Variants in PACRGL observed in about 807,000 individuals in gnomAD.
PACRGL encodes PACRG-like protein.
Under a neutral mutation model 34.5 loss-of-function variants are expected in PACRGL, and 38 were observed. The ratio of observed to expected loss-of-function variants is 1.10; its 90% confidence interval spans 0.85 to 1.44. PACRGL has a LOEUF of 1.44. Among genes scored for constraint, PACRGL ranks in the 40% most tolerant of loss-of-function variants. The pLI is 0.00. For synonymous variants in PACRGL, 128 were observed against 100.1 expected (o/e 1.28, Z -1.66); for missense variants, 305 against 281.4 (o/e 1.08, Z -0.60).
chr4:20,727,230 C>A lies in PACRGL; in HGVS notation c.691-55C>A, dbSNP rs191365353. ...AGGCATATTCCTGCAAATATAATAC[C>A]TATTAGGGGAACTCTGCATGATACT... On this transcript the variant is annotated intron_variant, in intron 8 of 8. Coordinates refer to ENST00000503585, the MANE Select transcript of PACRGL (RefSeq NM_001258345.3). 7.6e-5 allele frequency: 109 copies of A among 1,435,042 alleles called. No homozygotes were observed. In the East Asian group the frequency reaches 2.3e-3, roughly 31 times the overall value. The allele number at this position is 1,435,042 out of a possible 1,614,324, so 88.9% of individuals were successfully genotyped here. A position where few individuals can be genotyped will look rare whatever the true frequency, so the allele number is the denominator to read the frequency against.
intron 8 of PACRGL, among the ~76,000 whole-genome samples, chr4:20,745,026 C>T (rs369766675): frequency 4.9e-4 from 74 of 152,240 alleles, no homozygotes; most frequent in African/African-American, 1.7e-3. Flanking sequence ...CTAAGAATGA[C>T]TCCCCAGACT....
rs1238817332 is a variant in PACRGL, at chr4:20,729,531, T to TAACA, written c.*2191_*2194dup. 2.1e-5 allele frequency: 3 copies of TAACA among 145,072 alleles called. No individual in the cohort carries two copies. The highest frequency in any genetic ancestry group is 7.5e-5 in the African/African-American group (3 of 40,040). 9.0% of individuals were successfully genotyped at this position (145,072 alleles called of 1,614,324 possible). On this transcript the variant is annotated 3_prime_UTR_variant, in exon 9 of 9. Coordinates refer to ENST00000503585, the MANE Select transcript of PACRGL (RefSeq NM_001258345.3). ...AAAAATGCCAGATAAAACTAATTTC[T>TAACA]AACAGAAGGTGGGAAGGCCATAGAA...
In PACRGL at chr4:20,711,084, A is replaced by AAC. The variant is rs1553866906; in HGVS notation, c.366+1325_366+1326dup. 2.2e-3 allele frequency among the ~76,000 whole-genome samples: 331 copies of AAC among 151,792 alleles called. 1 individual carries two copies. Among genetic ancestry groups the AAC allele is most frequent in the African/African-American group, 6.2e-3 (256 of 41,384 alleles). On this transcript the variant is annotated intron_variant, in intron 5 of 8. Coordinates refer to ENST00000503585, the MANE Select transcript of PACRGL (RefSeq NM_001258345.3). ...CACAGTAGAGTGAGATGCTATCTCA[A>AAC]ACACACACACACACAAAATTAGTTA...
chr4:20,731,405 C>A lies in PACRGL; in HGVS notation c.*4064C>A. 1 of 985,348 alleles carries A rather than the reference C, an allele frequency of 1.0e-6. No individual in the cohort carries two copies. The highest frequency in any genetic ancestry group is 1.2e-6 in the Non-Finnish European group (1 of 829,880). 61.0% of individuals were successfully genotyped at this position (985,348 alleles called of 1,614,324 possible). On this transcript the variant is annotated 3_prime_UTR_variant, in exon 9 of 9. Coordinates refer to ENST00000503585, the MANE Select transcript of PACRGL (RefSeq NM_001258345.3). ...ATTTTTAACTGTGGTTCTGCCCACA[C>A]ATCAAGTCAAATAATTCTAAGTAAG...
the PACRGL span, among the ~76,000 whole-genome samples, chr4:20,762,548 A>C: frequency 6.6e-6 from 1 of 152,072 alleles, no homozygotes; most frequent in Admixed American, 6.6e-5. Flanking sequence ...CTTTTTCTTC[A>C]CCTCTTCTGT....
In PACRGL at chr4:20,729,494, T is replaced by A. The variant is rs988254947; in HGVS notation, c.*2153T>A. On this transcript the variant is annotated 3_prime_UTR_variant, in exon 9 of 9. Transcript: ENST00000503585. Reference sequence around the variant, plus strand: ...AACTAATTTTTAAATGTTTAATAATTTTTAAATGTTTAAAAATGCCAGATA... The same window carrying A: ...AACTAATTTTTAAATGTTTAATAATATTTAAATGTTTAAAAATGCCAGATA... 10 of 140,298 alleles carry A rather than the reference T, an allele frequency of 7.1e-5. No homozygotes were observed. The highest frequency in any genetic ancestry group is 2.7e-4 in the African/African-American group (10 of 36,570). The allele number at this position is 140,298 out of a possible 1,614,324, so 8.7% of individuals were successfully genotyped here.
downstream of PACRGL, chr4:20,732,696 A>G: frequency 6.2e-7 from 1 of 1,610,556 alleles, no homozygotes; most frequent in Non-Finnish European, 8.5e-7. Context: ...AAAATGTTTC[A>G]ACGTGTTGTC....
the PACRGL span, among the ~76,000 whole-genome samples, chr4:20,757,936 C>T: frequency 6.6e-5 from 10 of 152,150 alleles, no homozygotes; most frequent in African/African-American, 2.4e-4. Context: ...ATCATGCCAG[C>T]ACTGTGCTCT....
chr4:20,704,231 A>T (rs770198590), intron 1 of PACRGL, among the ~76,000 whole-genome samples: 4 of 152,164 alleles, frequency 2.6e-5, no homozygotes, highest in Non-Finnish European at 5.9e-5. Flanking sequence ...AATGGAAAAA[A>T]AGTTGACTTT....
At chr4:20,733,053 A>G (rs967805810), downstream of PACRGL, among the ~76,000 whole-genome samples, 1 of 152,194 alleles carries the variant, frequency 6.6e-6, no homozygotes, top group Non-Finnish European at 1.5e-5. Flanking sequence ...AGTCAGGAAA[A>G]GAATATGCTG....
chr4:20,729,551 A>G lies in PACRGL; in HGVS notation c.*2210A>G, dbSNP rs1362105462. ...ATTTCTAACAGAAGGTGGGAAGGCC[A>G]TAGAAACTGGAACTATGTGTTTTTT... On this transcript the variant is annotated 3_prime_UTR_variant, in exon 9 of 9. Transcript: ENST00000503585. 1 of 149,426 alleles carries G rather than the reference A, an allele frequency of 6.7e-6. No individual in the cohort carries two copies. The highest frequency in any genetic ancestry group is 1.5e-5 in the Non-Finnish European group (1 of 67,044). 9.3% of individuals were successfully genotyped at this position (149,426 alleles called of 1,614,324 possible).
At chr4:20,718,260 A>G (rs1017163510) in intron 7 of PACRGL, among the ~76,000 whole-genome samples, 5 of 152,164 alleles carry the variant, frequency 3.3e-5, no homozygotes, top group Admixed American at 6.5e-5. Flanking sequence ...TAGATATACA[A>G]TCATGTCATC....
At chr4:20,756,421 C>T (rs1483364767), downstream of PACRGL, among the ~76,000 whole-genome samples, 1 of 152,120 alleles carries the variant, frequency 6.6e-6, no homozygotes, top group African/African-American at 2.4e-5. Context: ...TATCCTAAAG[C>T]TATTAACATC....
chr4:20,752,473 G>C (rs1443358027), intron 8 of PACRGL: 3 of 152,126 alleles, frequency 2.0e-5, no homozygotes, highest in Admixed American at 6.5e-5. Context: ...TCCTAGGCAA[G>C]CCACTTTTAT....
downstream of PACRGL, among the ~76,000 whole-genome samples, chr4:20,754,851 CTT>C (rs1015253938): frequency 1.9e-4 from 29 of 152,084 alleles, no homozygotes; most frequent in Admixed American, 1.8e-3. Context: ...TATGTAATAA[CTT>C]GATTTGAAAT....
At chr4:20,732,779 G>A, downstream of PACRGL, 1 of 1,599,228 alleles carries the variant, frequency 6.3e-7, no homozygotes, top group Middle Eastern at 1.7e-4. Context: ...ATTATATCAA[G>A]CATTTCCTGA....
chr4:20,718,315 C>T (rs533748436), intron 7 of PACRGL, among the ~76,000 whole-genome samples: 31 of 152,014 alleles, frequency 2.0e-4, no homozygotes, highest in Non-Finnish European at 3.7e-4. Flanking sequence ...AATTGAATAC[C>T]CTTTATTTCT....
At chr4:20,699,294 G>T (rs1450686513), upstream of PACRGL, among the ~76,000 whole-genome samples, 2 of 152,224 alleles carry the variant, frequency 1.3e-5, no homozygotes, top group African/African-American at 4.8e-5. Context: ...AGGCATTGGG[G>T]ATAGAAAAGC....
At chr4:20,741,120 T>C (rs1035822993) in intron 8 of PACRGL, among the ~76,000 whole-genome samples, 1 of 152,100 alleles carries the variant, frequency 6.6e-6, no homozygotes, top group Non-Finnish European at 1.5e-5. Context: ...ACAATAATAA[T>C]GGGAGGCTTT....
Sources: gnomAD v4.1 joint callset for allele counts (sites outside exome capture counted in the v4.1 genomes callset) on GRCh38, gnomAD v4.1.1 for gene constraint, MANE v1.5 for transcripts, NCBI Gene and HGNC (gene_info 2026-07-23, HGNC 2026-07-21) for gene names.